Variants in SOAT1 observed in about 807,000 individuals in gnomAD.
SOAT1 encodes the protein sterol O-acyltransferase 1.
Under a neutral mutation model 69.5 loss-of-function variants are expected in SOAT1, and 55 were observed. The observed-to-expected ratio is 0.79, with a 90% CI of 0.64 to 0.99. The LOEUF (loss-of-function observed/expected upper bound fraction) is 0.99, where lower values mean the gene tolerates loss of function less well. Among genes scored for constraint, SOAT1 ranks in the 50% least tolerant of loss-of-function variants. The pLI is 0.00. For synonymous variants in SOAT1, 231 were observed against 224.7 expected, an observed-to-expected ratio of 1.03 and a Z score of -0.25; for missense variants, 580 against 669.3, an observed-to-expected ratio of 0.87 and a Z score of 1.47.
chr1:179,309,304 G>A (rs1231714806), intron 2 of SOAT1, among the ~76,000 whole-genome samples: 2 of 152,046 alleles, frequency 1.3e-5, no homozygotes, highest in African/African-American at 2.4e-5. Flanking sequence ...GGCTGGTCTC[G>A]AACTCCTGAC....
chr1:179,301,502 T>G (rs1381259788), intron 1 of SOAT1, among the ~76,000 whole-genome samples: 1 of 152,168 alleles, frequency 6.6e-6, no homozygotes, highest in Non-Finnish European at 1.5e-5. Flanking sequence ...AGCTGTGTGG[T>G]CTTGGGCAAG....
chr1:179,335,471 A>G, intron 3 of SOAT1, 35 bp from the exon 4 acceptor site: 3 of 1,578,332 alleles, frequency 1.9e-6, no homozygotes, highest in Non-Finnish European at 2.6e-6. Context: ...AGCATGTATT[A>G]GTTCCCCATC....
chr1:179,310,146 C>CA (rs1230773128), intron 2 of SOAT1, among the ~76,000 whole-genome samples: 1 of 152,008 alleles, frequency 6.6e-6, no homozygotes. Context: ...GTGATCCACC[C>CA]ACCTCAGCCT....
intron 6 of SOAT1, among the ~76,000 whole-genome samples, chr1:179,339,860 C>G (rs1170980390): frequency 6.6e-6 from 1 of 152,150 alleles, no homozygotes; most frequent in Non-Finnish European, 1.5e-5. Flanking sequence ...TATTTATACA[C>G]AGAATTTTTT....
rs370828372 is a variant in SOAT1 at position 179,302,839 on chromosome 1, A to T, written c.118+37A>T. ...TTTTTTTTTTTTAGGTGAATTAGTG[A>T]AATAGAGAACAAATACAGTGTTATA... On this transcript the variant is annotated intron_variant, in intron 2 of 15. Coordinates refer to ENST00000367619, the MANE Select transcript of SOAT1 (RefSeq NM_003101.6). The T allele has an allele frequency of 2.5e-5, 28 of 1,116,184 alleles. No individual in the cohort carries two copies. In the African/African-American group the frequency reaches 4.3e-4, roughly 17 times the overall value. The allele number at this position is 1,116,184 out of a possible 1,614,324, so 69.1% of individuals were successfully genotyped here. A position where few individuals can be genotyped will look rare whatever the true frequency, so the allele number is the denominator to read the frequency against.
intron 9 of SOAT1, among the ~76,000 whole-genome samples, chr1:179,343,152 A>G (rs550393616): frequency 3.9e-5 from 6 of 152,160 alleles, no homozygotes; most frequent in African/African-American, 1.2e-4. Flanking sequence ...AGTATTTCAT[A>G]TGGTCATAAA....
In SOAT1 at chr1:179,348,777, T is replaced by A. The variant is rs1478303022; in HGVS notation, c.1216-67T>A. On this transcript the variant is annotated intron_variant, in intron 12 of 15. Transcript: ENST00000367619. Reference sequence around the variant, plus strand: ...CGGGTGGGATGTGTGTGTGTGTGTGTGTGTGTGTGTGTGTGTGTGTGTGTG... The same window carrying A: ...CGGGTGGGATGTGTGTGTGTGTGTGAGTGTGTGTGTGTGTGTGTGTGTGTG... 241 of 114,230 alleles carry A rather than the reference T, an allele frequency of 2.1e-3. 2 individuals carry two copies. Among genetic ancestry groups the A allele is most frequent in the African/African-American group, 0.011 (177 of 15,554 alleles). 7.1% of individuals were successfully genotyped at this position (114,230 alleles called of 1,614,324 possible).
chr1:179,306,147 G>A (rs976878518), intron 2 of SOAT1, among the ~76,000 whole-genome samples: 1 of 152,142 alleles, frequency 6.6e-6, no homozygotes, highest in African/African-American at 2.4e-5. Context: ...AGTACAGATG[G>A]ATTTGTGGTT....
At chr1:179,330,865 A>G (rs1195110256) in intron 3 of SOAT1, among the ~76,000 whole-genome samples, 1 of 152,054 alleles carries the variant, frequency 6.6e-6, no homozygotes, top group African/African-American at 2.4e-5. Flanking sequence ...TGTTAAGGAA[A>G]TTTTCTGTGG....
intron 5 of SOAT1, among the ~76,000 whole-genome samples, chr1:179,338,366 G>T (rs1008724700): frequency 8.5e-5 from 13 of 152,166 alleles, no homozygotes; most frequent in African/African-American, 2.9e-4. Flanking sequence ...TCCAGCCTGA[G>T]CACCAGGTGC....
At chr1:179,296,643 G>T (rs1326558497) in intron 1 of SOAT1, among the ~76,000 whole-genome samples, 2 of 152,112 alleles carry the variant, frequency 1.3e-5, no homozygotes, top group African/African-American at 2.4e-5. Flanking sequence ...CCAACCTTTG[G>T]GTGCCAGAGG....
At chr1:179,318,196 A>G (rs778851702) in intron 2 of SOAT1, among the ~76,000 whole-genome samples, 3 of 152,092 alleles carry the variant, frequency 2.0e-5, no homozygotes, top group Admixed American at 6.6e-5. Flanking sequence ...TCCTGTCTCA[A>G]AAAAAGCCCC....
rs1378725600 is a variant in SOAT1, at chr1:179,342,211, T to G, written c.859+19T>G. 3 of 1,594,840 alleles carry G rather than the reference T, an allele frequency of 1.9e-6. No individual in the cohort carries two copies. Among genetic ancestry groups the G allele is most frequent in the East Asian group, 2.2e-5 (1 of 44,588 alleles). ...AAATCAAGTATGTAATTTCTTTTGT[T>G]CATTATTTCTTCCTCCCCTCCCCTC... On this transcript the variant is annotated intron_variant, in intron 8 of 15. Transcript: ENST00000367619.
chr1:179,356,183 A>G lies in SOAT1; in HGVS notation c.*2542A>G, dbSNP rs1666900221. ...TCCTTCTGAAAAGTAATAAGCTTAAAGTTTTTGTTTCTGTAAGATGTAATG... is the reference window on the plus strand; with the variant it reads ...TCCTTCTGAAAAGTAATAAGCTTAAGGTTTTTGTTTCTGTAAGATGTAATG... On this transcript the variant is annotated 3_prime_UTR_variant, in exon 16 of 16. Transcript: ENST00000367619. The G allele has an allele frequency of 6.6e-6, 1 of 152,132 alleles. No individual in the cohort carries two copies. The highest frequency in any genetic ancestry group is 1.5e-5 in the Non-Finnish European group (1 of 67,998). The allele number at this position is 152,132 out of a possible 1,614,324, so 9.4% of individuals were successfully genotyped here.
At chr1:179,310,669 G>A (rs1665192241) in intron 2 of SOAT1, among the ~76,000 whole-genome samples, 1 of 152,178 alleles carries the variant, frequency 6.6e-6, no homozygotes. Context: ...AGTGACTTTT[G>A]TATCGCTTTG....
chr1:179,318,220 A>T (rs1349272425), intron 2 of SOAT1, among the ~76,000 whole-genome samples: 1 of 144,968 alleles, frequency 6.9e-6, no homozygotes, highest in Admixed American at 6.7e-5. Flanking sequence ...AACTCTACCC[A>T]TATTTTATTA....
chr1:179,336,631 G>A (rs1666167904), intron 4 of SOAT1, among the ~76,000 whole-genome samples: 1 of 152,150 alleles, frequency 6.6e-6, no homozygotes, highest in Admixed American at 6.6e-5. Context: ...AAAGCACAGA[G>A]TACTTAATTA....
At chr1:179,312,454 A>G (rs1429696878) in intron 2 of SOAT1, among the ~76,000 whole-genome samples, 1 of 152,230 alleles carries the variant, frequency 6.6e-6, no homozygotes, top group Non-Finnish European at 1.5e-5. Context: ...CTTTCTCTTT[A>G]GCGATGAAAC....
chr1:179,340,478 C>G (rs1296511520), intron 6 of SOAT1, among the ~76,000 whole-genome samples: 2 of 152,076 alleles, frequency 1.3e-5, no homozygotes, highest in Non-Finnish European at 2.9e-5. Flanking sequence ...GAGACCAGAT[C>G]TCAAAATAAA....
Sources: gnomAD v4.1 joint callset for allele counts (sites outside exome capture counted in the v4.1 genomes callset) on GRCh38, gnomAD v4.1.1 for gene constraint, MANE v1.5 for transcripts, NCBI Gene and HGNC (gene_info 2026-07-23, HGNC 2026-07-21) for gene names.